Variants in ATP13A4 observed in about 807,000 individuals in gnomAD.
ATP13A4 encodes the protein ATPase 13A4.
ATP13A4 carries 114 observed loss-of-function variants against 142.5 expected under a neutral mutation model. The observed-to-expected ratio is 0.80, with a 90% CI of 0.69 to 0.93. ATP13A4 has a LOEUF of 0.93. Ranked by LOEUF, ATP13A4 falls within the 40% of genes least tolerant of loss-of-function variation. ATP13A4 has a pLI of 0.00. For synonymous variants in ATP13A4, 488 were observed against 514.8 expected (o/e 0.95, Z 0.70); for missense variants, 1,392 against 1,454.0 (o/e 0.96, Z 0.69).
At chr3:193,586,092 CACACACACACACACACACACACACATAT>C (rs1724662359) in intron 1 of ATP13A4, among the ~76,000 whole-genome samples, 1 of 914 alleles carries the variant, frequency 1.1e-3, no homozygotes, top group Admixed American at 0.022. Context: ...TACACACATA[CACACACACACACACACACACACACATAT>C]ACACACACAC....
intron 23 of ATP13A4, among the ~76,000 whole-genome samples, chr3:193,437,230 GGAGAGGTTCTCCTTA>G (rs1414480332): frequency 1.4e-5 from 2 of 140,662 alleles, no homozygotes; most frequent in Non-Finnish European, 3.1e-5. Flanking sequence ...TAAGCAATAA[GGAGAGGTTCTCCTTA>G]GAGAGGTTTT....
At position 193,435,671 on chromosome 3, in the gene ATP13A4, C is replaced by T. The variant is rs777446311; in HGVS notation, c.2746G>A (p.Val916Ile). Reference protein sequence around the residue: ...YMALYSMIQYVGVLLLYWETN... With the variant: ...YMALYSMIQYIGVLLLYWETN... Reference sequence around the variant, plus strand: ...ACCCAGTAGAGCAGCAGAACACCAACATACTGAATCATGCTGTACAGAGCC... The same window carrying T: ...ACCCAGTAGAGCAGCAGAACACCAATATACTGAATCATGCTGTACAGAGCC... Residue 916 changes from valine to isoleucine, a missense_variant, in exon 24 of 30, where the codon GTT becomes ATT. By Grantham distance (29) the Val-to-Ile change is conservative (BLOSUM62 3). Transcript: ENST00000342695. 1 of 1,613,964 alleles carries T rather than the reference C, an allele frequency of 6.2e-7. No homozygotes were observed. The highest frequency in any genetic ancestry group is 1.7e-5 in the Admixed American group (1 of 60,022).
At chr3:193,486,902 A>G (rs1453184442) in intron 7 of ATP13A4, among the ~76,000 whole-genome samples, 1 of 152,258 alleles carries the variant, frequency 6.6e-6, no homozygotes, top group African/African-American at 2.4e-5. Flanking sequence ...TACCACTTAC[A>G]TAAGAAAAAA....
In ATP13A4 at chr3:193,401,632, C is replaced by T. The variant is rs186323855; in HGVS notation, c.*1020G>A. Among the ~76,000 whole-genome samples, 31 of 152,316 alleles carry T rather than the reference C, an allele frequency of 2.0e-4. No individual in the cohort carries two copies. Among genetic ancestry groups the T allele is most frequent in the Admixed American group, 4.6e-4 (7 of 15,302 alleles). On this transcript the variant is annotated 3_prime_UTR_variant, in exon 30 of 30. Transcript: ENST00000342695. ...TATTTTCCTCTCCTTCCCAGGACTACGTTCCAGACCAACTCTATCATTTGT... is the reference window on the plus strand; with the variant it reads ...TATTTTCCTCTCCTTCCCAGGACTATGTTCCAGACCAACTCTATCATTTGT...
At chr3:193,529,013 T>C (rs1228386581) in intron 1 of ATP13A4, among the ~76,000 whole-genome samples, 3 of 152,176 alleles carry the variant, frequency 2.0e-5, no homozygotes, top group Admixed American at 2.0e-4. Context: ...GGCTCACACC[T>C]GTAATCCCAG....
intron 1 of ATP13A4, among the ~76,000 whole-genome samples, chr3:193,519,986 C>T (rs1004855385): frequency 2.0e-4 from 31 of 152,148 alleles, no homozygotes; most frequent in African/African-American, 7.2e-4. Flanking sequence ...TTCCTCCTTT[C>T]TGCTCCCCTA....
At chr3:193,490,198 C>T (rs975469273) in intron 6 of ATP13A4, among the ~76,000 whole-genome samples, 2 of 152,184 alleles carry the variant, frequency 1.3e-5, no homozygotes, top group African/African-American at 4.8e-5. Context: ...GGCAATCTGA[C>T]CCCAGAGCAC....
intron 7 of ATP13A4, 27 bp from the exon 8 acceptor site, chr3:193,484,032 T>A (rs776160210): frequency 6.4e-7 from 1 of 1,557,010 alleles, no homozygotes; most frequent in Non-Finnish European, 8.9e-7. Context: ...AATGGAAAAG[T>A]CTTATCTATT....
At chr3:193,469,077 C>T (rs1718467274) in intron 9 of ATP13A4, among the ~76,000 whole-genome samples, 1 of 152,050 alleles carries the variant, frequency 6.6e-6, no homozygotes, top group Admixed American at 6.6e-5. Context: ...TAATTAAAGT[C>T]ACAGAAGCAG....
intron 1 of ATP13A4, among the ~76,000 whole-genome samples, chr3:193,586,373 G>A (rs1415146337): frequency 1.3e-5 from 2 of 152,026 alleles, no homozygotes; most frequent in African/African-American, 4.8e-5. Context: ...AAATTTTATG[G>A]TGTTACCTTC....
chr3:193,438,369 C>G, intron 23 of ATP13A4, 106 bp downstream of exon 23: 1 of 927,080 alleles, frequency 1.1e-6, no homozygotes, highest in African/African-American at 1.6e-5. Context: ...AAACACCCTC[C>G]GCACCCAGGG....
rs566586437 is a variant in ATP13A4 at position 193,405,165 on chromosome 3, G to A, written c.3378+2148C>T. 2.6e-5 allele frequency among the ~76,000 whole-genome samples: 4 copies of A among 152,294 alleles called. No individual in the cohort carries two copies. In the East Asian group the frequency reaches 7.7e-4, roughly 29 times the overall value. ...CGAACCCACCCACGTAGATTACCCC[G>A]AGCTTGTGCTCTTAACTGCAAATAT... On this transcript the variant is annotated intron_variant, in intron 29 of 29. Transcript: ENST00000342695.
intron 1 of ATP13A4, among the ~76,000 whole-genome samples, chr3:193,517,577 T>TTCA: frequency 6.6e-6 from 1 of 152,156 alleles, no homozygotes; most frequent in South Asian, 2.1e-4. Context: ...GCCTCCCGGG[T>TTCA]TCACGCCATT....
intron 2 of ATP13A4, among the ~76,000 whole-genome samples, chr3:193,505,373 C>G (rs1176682327): frequency 6.6e-6 from 1 of 152,112 alleles, no homozygotes; most frequent in Non-Finnish European, 1.5e-5. Flanking sequence ...CCATATTAAT[C>G]CAGTGCACCA....
At position 193,511,469 on chromosome 3, in the gene ATP13A4, G is replaced by A. The variant is rs149452714; in HGVS notation, c.234+3229C>T. The stretch of plus-strand genomic sequence containing the variant: ...TGTCCCAGAGGGGAATGCCAGGCTC[G>A]TGGGTAATTAGGAAAAGGCACGTCA... On this transcript the variant is annotated intron_variant, in intron 2 of 29. Transcript: ENST00000342695. Among the ~76,000 whole-genome samples, 106 of 152,294 alleles carry A rather than the reference G, an allele frequency of 7.0e-4. 1 individual carries two copies. The highest frequency in any genetic ancestry group is 3.4e-3 in the Middle Eastern group (1 of 294).
At chr3:193,440,737 G>A (rs747642829) in intron 20 of ATP13A4, 100 bp from the exon 21 acceptor site, 102 of 1,272,836 alleles carry the variant, frequency 8.0e-5, no homozygotes, top group Non-Finnish European at 9.8e-5. Context: ...TGACACTTAC[G>A]ATGAAGAAAA....
At chr3:193,469,593 A>G (rs1230716711) in intron 9 of ATP13A4, among the ~76,000 whole-genome samples, 1 of 152,222 alleles carries the variant, frequency 6.6e-6, no homozygotes, top group East Asian at 1.9e-4. Flanking sequence ...AAGCTACTGC[A>G]CTTCAACCTG....
chr3:193,557,135 A>T (rs1723919218), upstream of ATP13A4, among the ~76,000 whole-genome samples: 1 of 152,258 alleles, frequency 6.6e-6, no homozygotes, highest in African/African-American at 2.4e-5. Flanking sequence ...CCCATCAAAT[A>T]AATCAGGTCA....
intron 17 of ATP13A4, among the ~76,000 whole-genome samples, chr3:193,448,653 C>T (rs1381109452): frequency 6.6e-6 from 1 of 152,146 alleles, no homozygotes; most frequent in Non-Finnish European, 1.5e-5. Context: ...AGCTTTCTTA[C>T]AGGAAGTAAA....
Sources: allele counts gnomAD v4.1 joint callset (sites outside exome capture counted in the v4.1 genomes callset), GRCh38; gene constraint gnomAD v4.1.1; transcripts MANE v1.5; gene names NCBI Gene and HGNC (gene_info 2026-07-23, HGNC 2026-07-21).